The following MIPOL1 variants were observed in gnomAD, a reference collection of about 807,000 sequenced individuals.
MIPOL1 encodes the protein mirror-image polydactyly 1.
MIPOL1 carries 57 observed loss-of-function variants against 60.9 expected under a neutral mutation model. The ratio of observed to expected loss-of-function variants is 0.94; its 90% CI spans 0.76 to 1.17. The LOEUF (loss-of-function observed/expected upper bound fraction) is 1.17, where lower values mean the gene tolerates loss of function less well. Ranked by LOEUF, MIPOL1 falls within the 50% of genes most tolerant of loss-of-function variation. MIPOL1 has a pLI of 0.00. For missense variants in MIPOL1, 551 were observed against 511.6 expected (o/e 1.08, Z -0.74); for synonymous variants, 179 against 168.8 (o/e 1.06, Z -0.47).
chr14:37,500,441 T>C (rs1324072824), intron 12 of MIPOL1, among the ~76,000 whole-genome samples: 1 of 152,140 alleles, frequency 6.6e-6, no homozygotes, highest in African/African-American at 2.4e-5. Flanking sequence ...GGCAAAGTTA[T>C]TAGCAAGGGG....
At chr14:37,242,644 A>T (rs1253378178) in intron 1 of MIPOL1, among the ~76,000 whole-genome samples, 2 of 152,032 alleles carry the variant, frequency 1.3e-5, no homozygotes, top group Admixed American at 1.3e-4. Flanking sequence ...ATGTCCCTCC[A>T]CCTGTCCATC....
chr14:37,364,767 T>C (rs1445337216), intron 9 of MIPOL1, among the ~76,000 whole-genome samples: 1 of 152,200 alleles, frequency 6.6e-6, no homozygotes, highest in Non-Finnish European at 1.5e-5. Flanking sequence ...AAGAATGTCA[T>C]TGTTATTTTG....
At position 37,322,114 on chromosome 14, in the gene MIPOL1, T is replaced by C. The variant is rs144274475; in HGVS notation, c.828+13595T>C. Among the ~76,000 whole-genome samples the C allele has an allele frequency of 5.7e-3, 870 of 152,134 alleles. 7 individuals carry two copies. The highest frequency in any genetic ancestry group is 9.3e-3 in the Non-Finnish European group (631 of 67,908). On this transcript the variant is annotated intron_variant, in intron 9 of 12. Transcript: ENST00000684589. ...TGATGCATTCATGTAAATGCAGGCA[T>C]CAATATATTGGCTTCTAAACCCTTC...
At chr14:37,364,300 C>T (rs547707053) in intron 9 of MIPOL1, among the ~76,000 whole-genome samples, 1 of 152,326 alleles carries the variant, frequency 6.6e-6, no homozygotes, top group Admixed American at 6.5e-5. Context: ...CTTAGACCAG[C>T]TTAGACCAAT....
Position 37,342,935 on chromosome 14 carries a change from ATC to A in MIPOL1, c.829-26578_829-26577del, listed in dbSNP as rs1372433031. ...TGAATATAAATTACTATATTATTAAATCTCTAGTTATTTATTTTAATATAGTA... is the reference window on the plus strand; with the variant it reads ...TGAATATAAATTACTATATTATTAAATCTAGTTATTTATTTTAATATAGTA... On this transcript the variant is annotated intron_variant, in intron 9 of 12. Coordinates refer to ENST00000684589, the MANE Select transcript of MIPOL1 (RefSeq NM_001388067.1). Among the ~76,000 whole-genome samples, 4 of 130,952 alleles carry A rather than the reference ATC, an allele frequency of 3.1e-5. No individual in the cohort carries two copies. The East Asian group carries it at 6.7e-4, about 22-fold the overall frequency. 85.9% of individuals were successfully genotyped at this position (130,952 alleles called of 152,430 possible).
intron 9 of MIPOL1, among the ~76,000 whole-genome samples, chr14:37,363,585 G>A (rs749108442): frequency 1.3e-5 from 2 of 152,204 alleles, no homozygotes; most frequent in Non-Finnish European, 2.9e-5. Flanking sequence ...CTACATGATT[G>A]TCAGGGACCT....
At chr14:37,316,355 G>A (rs8020687) in intron 9 of MIPOL1, among the ~76,000 whole-genome samples, 150,350 of 152,154 alleles carry the variant, frequency 0.99, 74,308 homozygotes, top group Middle Eastern at 1. Context: ...AAAGATGAGC[G>A]TAGTCAGTTC....
At chr14:37,353,594 G>T (rs2091572218) in intron 9 of MIPOL1, among the ~76,000 whole-genome samples, 1 of 151,438 alleles carries the variant, frequency 6.6e-6, no homozygotes, top group East Asian at 1.9e-4. Flanking sequence ...TCCTGTTATT[G>T]GTCTATTCAG....
At chr14:37,511,236 A>G (rs943832973) in intron 12 of MIPOL1, among the ~76,000 whole-genome samples, 3 of 152,186 alleles carry the variant, frequency 2.0e-5, no homozygotes, top group Non-Finnish European at 2.9e-5. Context: ...TCATCACCAA[A>G]AAATATCTTC....
At chr14:37,415,628 C>CAA (rs11377270) in intron 10 of MIPOL1, among the ~76,000 whole-genome samples, 70,849 of 126,302 alleles carry the variant, frequency 0.56, 21,182 homozygotes, top group Non-Finnish European at 0.66. Context: ...GACTCTGTCT[C>CAA]AAAAAAAAAA....
In MIPOL1 at chr14:37,329,138, T is replaced by A. The variant is rs1318225751; in HGVS notation, c.828+20619T>A. On this transcript the variant is annotated intron_variant, in intron 9 of 12. Transcript: ENST00000684589. ...GACTTTAGGGAGTTGAATGATAGAC[T>A]GTTTTCACTAAGATTGCTCTTAAGT... Among the ~76,000 whole-genome samples the A allele has an allele frequency of 2.4e-4, 37 of 152,094 alleles. 1 individual carries two copies. Among genetic ancestry groups the A allele is most frequent in the Admixed American group, 2.4e-3 (37 of 15,256 alleles).
chr14:37,455,631 G>T (rs2094468651), intron 11 of MIPOL1, among the ~76,000 whole-genome samples: 1 of 151,814 alleles, frequency 6.6e-6, no homozygotes, highest in Non-Finnish European at 1.5e-5. Flanking sequence ...ATAACTTACT[G>T]CCACTCTCCC....
intron 1 of MIPOL1, among the ~76,000 whole-genome samples, chr14:37,211,973 G>A (rs540369555): frequency 1.3e-5 from 2 of 152,118 alleles, no homozygotes; most frequent in African/African-American, 4.8e-5. Flanking sequence ...AGGGCCAGAA[G>A]GGAACTCACT....
intron 11 of MIPOL1, among the ~76,000 whole-genome samples, chr14:37,481,563 ACAC>A (rs2094867328): frequency 3.7e-4 from 19 of 51,264 alleles, no homozygotes; most frequent in African/African-American, 1.1e-3. Flanking sequence ...CCCCCCCAAC[ACAC>A]ACACACACAC....
At chr14:37,416,057 A>G (rs1199823511) in intron 10 of MIPOL1, among the ~76,000 whole-genome samples, 1 of 152,162 alleles carries the variant, frequency 6.6e-6, no homozygotes, top group African/African-American at 2.4e-5. Context: ...TCATTCATTC[A>G]TACTTGAAAG....
At chr14:37,413,889 G>A (rs1281027730) in intron 10 of MIPOL1, among the ~76,000 whole-genome samples, 1 of 152,102 alleles carries the variant, frequency 6.6e-6, no homozygotes, top group East Asian at 1.9e-4. Flanking sequence ...CAACAATGCG[G>A]GGGAGTCAAA....
chr14:37,350,574 TACAA>T (rs1284170532), intron 9 of MIPOL1, among the ~76,000 whole-genome samples: 1 of 152,212 alleles, frequency 6.6e-6, no homozygotes, highest in Non-Finnish European at 1.5e-5. Context: ...TCCATTGTGT[TACAA>T]ACAATCAGTT....
intron 10 of MIPOL1, among the ~76,000 whole-genome samples, chr14:37,390,092 A>G (rs1012943274): frequency 6.6e-5 from 10 of 151,834 alleles, no homozygotes; most frequent in Non-Finnish European, 7.4e-5. Context: ...GGTGGTGGGC[A>G]CCTGTAATCC....
rs113699362 is a variant in MIPOL1, at chr14:37,304,714, A to G, written c.624-3342A>G. Among the ~76,000 whole-genome samples, 175 of 151,978 alleles carry G rather than the reference A, an allele frequency of 1.2e-3. 1 individual carries two copies. The highest frequency in any genetic ancestry group is 4.1e-3 in the African/African-American group (171 of 41,558). The stretch of plus-strand genomic sequence containing the variant: ...ATATTGACTGATTTAGGGATAAATC[A>G]AGAAATGCGACATTTCACGCATGGA... On this transcript the variant is annotated intron_variant, in intron 7 of 12. Transcript: ENST00000684589.
Sources: allele counts gnomAD v4.1 joint callset (sites outside exome capture counted in the v4.1 genomes callset), GRCh38; gene constraint gnomAD v4.1.1; transcripts MANE v1.5; gene names NCBI Gene and HGNC (gene_info 2026-07-23, HGNC 2026-07-21).